Variants in NUMB observed in about 807,000 individuals in gnomAD.
NUMB encodes NUMB endocytic adaptor protein, also known as protein numb homolog.
NUMB carries 29 observed loss-of-function variants against 59.7 expected under a neutral mutation model. The ratio of observed to expected loss-of-function variants is 0.49; its 90% CI spans 0.36 to 0.66. The LOEUF is 0.66. Ranked by LOEUF, NUMB falls within the 30% of genes least tolerant of loss-of-function variation. The pLI is 0.00. For missense variants in NUMB, 723 were observed against 822.0 expected (o/e 0.88, Z 1.47); for synonymous variants, 288 against 288.2 (o/e 1.00, Z 0.01).
At chr14:73,300,892 T>TA (rs991129432) in intron 6 of NUMB, among the ~76,000 whole-genome samples, 27 of 151,492 alleles carry the variant, frequency 1.8e-4, no homozygotes, top group African/African-American at 4.1e-4. Flanking sequence ...TAAAGTACAA[T>TA]AAAAAAAAGG....
intron 9 of NUMB, 95 bp from the exon 10 acceptor site, chr14:73,284,469 AC>A: frequency 9.7e-7 from 1 of 1,028,078 alleles, no homozygotes; most frequent in Non-Finnish European, 1.4e-6. Context: ...AGGTCCTTTT[AC>A]CCATTTCCTT....
In NUMB at chr14:73,275,987, G is replaced by T. The variant is rs1428504426; in HGVS notation, c.*591C>A. On this transcript the variant is annotated 3_prime_UTR_variant, in exon 13 of 13. Transcript: ENST00000555238. Reference sequence around the variant, plus strand: ...AATATTCTAAATGCATAAAAATAAAGATTTTGGCTTTTGATATATATAATA... The same window carrying T: ...AATATTCTAAATGCATAAAAATAAATATTTTGGCTTTTGATATATATAATA... The T allele has an allele frequency of 1.3e-5, 2 of 152,600 alleles. No individual in the cohort carries two copies. Among genetic ancestry groups the T allele is most frequent in the Non-Finnish European group, 2.9e-5 (2 of 68,060 alleles). 9.5% of individuals were successfully genotyped at this position (152,600 alleles called of 1,614,324 possible).
At chr14:73,408,119 C>A (rs1198776809) in intron 2 of NUMB, among the ~76,000 whole-genome samples, 2 of 151,828 alleles carry the variant, frequency 1.3e-5, no homozygotes, top group Non-Finnish European at 2.9e-5. Flanking sequence ...CCCAGCTACT[C>A]GGGAGGCTGA....
chr14:73,388,866 G>A (rs531278546), intron 2 of NUMB, among the ~76,000 whole-genome samples: 2 of 152,212 alleles, frequency 1.3e-5, no homozygotes, highest in African/African-American at 4.8e-5. Context: ...AGGAGGCCGA[G>A]GTGGGCGGAT....
Position 73,276,880 on chromosome 14 carries a change from G to A in NUMB, c.1654C>T (p.Gln552Ter). 1 of 1,614,094 alleles carries A rather than the reference G, an allele frequency of 6.2e-7. No homozygotes were observed. The highest frequency in any genetic ancestry group is 8.5e-7 in the Non-Finnish European group (1 of 1,179,952). The change falls in exon 13 of 13, where the codon CAG (glutamine) becomes TAG (stop). Residue 552 changes from glutamine to a stop codon, truncating the protein, a stop_gained. Transcript: ENST00000555238. LOFTEE classifies it high-confidence loss of function. ...TGCTGCCTGACCAGGCTGGGTGACT[G>A]ATGGGGATGGGCAGCCTGAGGGTGG... ...AGHPQAAHPH[Q>*]SPSLVRQQTF...
intron 8 of NUMB, among the ~76,000 whole-genome samples, chr14:73,291,361 G>A (rs1302726686): frequency 1.3e-5 from 2 of 151,590 alleles, no homozygotes; most frequent in African/African-American, 2.4e-5. Context: ...GATTACAGGC[G>A]TGAGCCACCG....
At chr14:73,277,316 CA>C in intron 12 of NUMB, 23 bp from the exon 13 acceptor site, 1 of 1,547,624 alleles carries the variant, frequency 6.5e-7, no homozygotes, top group Non-Finnish European at 8.8e-7. Flanking sequence ...AGATGAGAGA[CA>C]AAAGAATCAG....
chr14:73,322,369 G>A (rs1275940160), intron 5 of NUMB, among the ~76,000 whole-genome samples: 4 of 152,144 alleles, frequency 2.6e-5, no homozygotes, highest in Non-Finnish European at 4.4e-5. Flanking sequence ...GTGTTCTATC[G>A]CATAACAGGC....
chr14:73,292,661 T>C lies in NUMB; in HGVS notation c.450+73A>G, dbSNP rs114453959. 5.8e-4 allele frequency: 878 copies of C among 1,516,660 alleles called. 8 individuals are homozygous for C. The African/African-American group carries it at 5.9e-3, about 10-fold the overall frequency. The allele number at this position is 1,516,660 out of a possible 1,614,324, so 94.0% of individuals were successfully genotyped here. A position where few individuals can be genotyped will look rare whatever the true frequency, so the allele number is the denominator to read the frequency against. ...TGTTAAAAATGTAGTAGAAACCGCT[T>C]GGCTGAGCAAACCCAGAAAGAGCCC... On this transcript the variant is annotated intron_variant, in intron 8 of 12. Transcript: ENST00000555238.
chr14:73,276,858 T>C lies in NUMB; in HGVS notation c.1676A>G (p.Gln559Arg). ...TGCCTCGTAGTGAGGGAATGTCTGCTGCCTGACCAGGCTGGGTGACTGATG... is the reference window on the plus strand; with the variant it reads ...TGCCTCGTAGTGAGGGAATGTCTGCCGCCTGACCAGGCTGGGTGACTGATG... The part of the protein sequence containing the change: ...HPHQSPSLVR[Q>R]QTFPHYEASS... The change falls in exon 13 of 13, where the codon CAG becomes CGG. Residue 559 changes from glutamine (Q) to arginine (R), a missense_variant. Around this residue, in one of 2 missense-constraint regions of NUMB, gnomAD observed 406 missense variants for 385.4 expected, o/e 1.05. Coordinates refer to ENST00000555238, the MANE Select transcript of NUMB (RefSeq NM_001005743.2). The C allele has an allele frequency of 1.2e-6, 2 of 1,614,134 alleles. No individual in the cohort carries two copies. Among genetic ancestry groups the C allele is most frequent in the Non-Finnish European group, 8.5e-7 (1 of 1,179,994 alleles).
intron 3 of NUMB, among the ~76,000 whole-genome samples, chr14:73,360,530 C>T (rs1894048289): frequency 6.6e-6 from 1 of 152,088 alleles, no homozygotes; most frequent in Non-Finnish European, 1.5e-5. Flanking sequence ...TGCACTCCAT[C>T]CTGGGTGACA....
intron 4 of NUMB, among the ~76,000 whole-genome samples, chr14:73,324,321 G>A (rs900633543): frequency 3.3e-5 from 5 of 152,094 alleles, no homozygotes; most frequent in African/African-American, 1.2e-4. Context: ...ATTCCTTTCT[G>A]TAGCTCAGGA....
intron 1 of NUMB, among the ~76,000 whole-genome samples, chr14:73,449,654 A>C (rs1249152433): frequency 6.6e-6 from 1 of 151,972 alleles, no homozygotes; most frequent in African/African-American, 2.4e-5. Flanking sequence ...CCAACCACAA[A>C]AACAAACTGA....
chr14:73,285,175 T>C (rs1888903503), intron 9 of NUMB: 1 of 152,190 alleles, frequency 6.6e-6, no homozygotes, highest in Admixed American at 6.5e-5. Flanking sequence ...CATGCATTTG[T>C]GGTTCATTTG....
At chr14:73,295,715 T>TA (rs1480725972) in intron 7 of NUMB, among the ~76,000 whole-genome samples, 1 of 152,166 alleles carries the variant, frequency 6.6e-6, no homozygotes, top group Admixed American at 6.5e-5. Flanking sequence ...TTTTTTTTTT[T>TA]AATTATCTTC....
At chr14:73,374,806 C>T (rs185550475) in intron 2 of NUMB, among the ~76,000 whole-genome samples, 6 of 150,934 alleles carry the variant, frequency 4.0e-5, no homozygotes, top group South Asian at 4.2e-4. Context: ...CTGCAACCTC[C>T]ACCTTCTGGA....
At chr14:73,420,156 C>T (rs761970180) in intron 1 of NUMB, among the ~76,000 whole-genome samples, 6 of 152,202 alleles carry the variant, frequency 3.9e-5, no homozygotes, top group Non-Finnish European at 7.3e-5. Context: ...CCACGGCACC[C>T]AGCCCTAGCT....
intron 4 of NUMB, among the ~76,000 whole-genome samples, chr14:73,353,573 A>ATGT (rs1215458701): frequency 5.9e-4 from 88 of 148,646 alleles, no homozygotes; most frequent in Admixed American, 8.1e-4. Flanking sequence ...CAGGCCAGGC[A>ATGT]TGGTGGCTCA....
chr14:73,310,504 C>T (rs960259209), intron 6 of NUMB, among the ~76,000 whole-genome samples: 4 of 152,106 alleles, frequency 2.6e-5, no homozygotes, highest in Non-Finnish European at 4.4e-5. Context: ...AAGGCATACC[C>T]GAGGAAAGCA....
Sources: gnomAD v4.1 joint callset for allele counts (sites outside exome capture counted in the v4.1 genomes callset) on GRCh38, gnomAD v4.1.1 for gene constraint, gnomAD v4.1.1 regional missense constraint, MANE v1.5 for transcripts, NCBI Gene and HGNC (gene_info 2026-07-23, HGNC 2026-07-21) for gene names.